The following GALNT13 variants were observed in gnomAD, a reference collection of about 807,000 sequenced individuals.
The protein encoded by GALNT13 is polypeptide N-acetylgalactosaminyltransferase 13.
A neutral mutation model predicts 64.2 loss-of-function variants in GALNT13; 28 were observed. That is an observed-to-expected ratio of 0.44 (90% CI 0.32 to 0.60). GALNT13 has a LOEUF of 0.60. GALNT13 is among the 20% of genes least tolerant of loss of function. GALNT13 has a pLI of 0.05. For missense variants in GALNT13, 577 were observed against 669.8 expected (o/e 0.86, Z 1.53); for synonymous variants, 214 against 224.6 (o/e 0.95, Z 0.42).
the GALNT13 span, among the ~76,000 whole-genome samples, chr2:153,252,341 G>A: frequency 3.1e-5 from 2 of 64,956 alleles, 1 homozygote; most frequent in Admixed American, 2.3e-4. Flanking sequence ...TTGTAAATTT[G>A]TTTGAGTCCA....
chr2:153,786,261 A>C, the GALNT13 span, among the ~76,000 whole-genome samples: 1 of 152,116 alleles, frequency 6.6e-6, no homozygotes, highest in Non-Finnish European at 1.5e-5. Flanking sequence ...TATTACCCTA[A>C]CAGTCCTTGG....
At chr2:153,630,803 A>ATT in the GALNT13 span, among the ~76,000 whole-genome samples, 5 of 17,534 alleles carry the variant, frequency 2.9e-4, no homozygotes, top group African/African-American at 8.6e-4. Flanking sequence ...ATATATATAT[A>ATT]TATATTTTTT....
the GALNT13 span, among the ~76,000 whole-genome samples, chr2:153,699,052 A>G: frequency 6.6e-6 from 1 of 152,236 alleles, no homozygotes; most frequent in Admixed American, 6.5e-5. Flanking sequence ...GTGAAACCCC[A>G]TCTCTACTAA....
At chr2:153,247,810 A>G in the GALNT13 span, among the ~76,000 whole-genome samples, 1 of 152,178 alleles carries the variant, frequency 6.6e-6, no homozygotes, top group Non-Finnish European at 1.5e-5. Context: ...AAATACATAG[A>G]CCACTATCTA....
chr2:153,959,441 A>C (rs1468387733), intron 3 of GALNT13, among the ~76,000 whole-genome samples: 4 of 152,242 alleles, frequency 2.6e-5, no homozygotes, highest in Admixed American at 2.6e-4. Context: ...GTAAGAGTGC[A>C]CATCAAACAC....
chr2:153,540,488 C>T, the GALNT13 span, among the ~76,000 whole-genome samples: 1 of 152,204 alleles, frequency 6.6e-6, no homozygotes, highest in South Asian at 2.1e-4. Flanking sequence ...TGGGGCACTG[C>T]CTAGCAGAGC....
the GALNT13 span, among the ~76,000 whole-genome samples, chr2:153,568,432 T>C: frequency 6.6e-6 from 1 of 152,200 alleles, no homozygotes; most frequent in African/African-American, 2.4e-5. Flanking sequence ...TCAGTTTTTA[T>C]TAATATCAGA....
chr2:153,585,908 C>T, the GALNT13 span, among the ~76,000 whole-genome samples: 4 of 152,002 alleles, frequency 2.6e-5, no homozygotes. Flanking sequence ...AGAAATAAAG[C>T]CTTTCTCAGA....
Position 154,008,433 on chromosome 2 carries a change from A to T in GALNT13, c.142+63794A>T, listed in dbSNP as rs144214914. Among the ~76,000 whole-genome samples, 558 of 152,080 alleles carry T rather than the reference A, an allele frequency of 3.7e-3. 7 individuals carry two copies. Among genetic ancestry groups the T allele is most frequent in the African/African-American group, 0.013 (537 of 41,500 alleles). ...TACTTTTTATTATATTTTATTTTTT[A>T]AAATCTTTCATTTTAGGTTTAGGGG... is the stretch of plus-strand genomic sequence containing the variant. On this transcript the variant is annotated intron_variant, in intron 3 of 12. Coordinates refer to ENST00000392825, the MANE Select transcript of GALNT13 (RefSeq NM_052917.4).
chr2:153,181,876 A>G, the GALNT13 span, among the ~76,000 whole-genome samples: 8 of 147,044 alleles, frequency 5.4e-5, no homozygotes, highest in South Asian at 1.7e-3. Context: ...GTATATTTAT[A>G]TAAACATATT....
the GALNT13 span, among the ~76,000 whole-genome samples, chr2:153,749,229 A>G: frequency 2.0e-5 from 3 of 151,946 alleles, no homozygotes; most frequent in South Asian, 6.2e-4. Flanking sequence ...GTTGATGACT[A>G]TAACTCTGTA....
intron 3 of GALNT13, among the ~76,000 whole-genome samples, chr2:153,982,893 C>T (rs1238547124): frequency 6.6e-6 from 1 of 151,734 alleles, no homozygotes; most frequent in Non-Finnish European, 1.5e-5. Flanking sequence ...TGCCGTGGTG[C>T]TGAGGATATT....
the GALNT13 span, among the ~76,000 whole-genome samples, chr2:153,628,160 G>A: frequency 6.6e-6 from 1 of 151,998 alleles, no homozygotes; most frequent in African/African-American, 2.4e-5. Context: ...TGTTATTGGT[G>A]TATAAGAATG....
At chr2:153,157,864 A>G in the GALNT13 span, among the ~76,000 whole-genome samples, 5 of 152,194 alleles carry the variant, frequency 3.3e-5, no homozygotes, top group Non-Finnish European at 7.4e-5. Flanking sequence ...CATGTGGTAA[A>G]TATATCTTTT....
chr2:153,692,379 C>T, the GALNT13 span, among the ~76,000 whole-genome samples: 5 of 152,124 alleles, frequency 3.3e-5, no homozygotes, highest in Non-Finnish European at 7.4e-5. Context: ...TAATGAATCC[C>T]TGCAAATATC....
chr2:154,228,543 C>CT (rs1229147060), intron 4 of GALNT13, among the ~76,000 whole-genome samples: 2 of 152,256 alleles, frequency 1.3e-5, no homozygotes, highest in African/African-American at 4.8e-5. Flanking sequence ...TAGAGGTTTG[C>CT]TGTAGGACCT....
chr2:153,274,820 G>T, the GALNT13 span, among the ~76,000 whole-genome samples: 2 of 152,132 alleles, frequency 1.3e-5, no homozygotes, highest in Non-Finnish European at 2.9e-5. Context: ...ACATCTTGTT[G>T]CCTTCAGGGC....
rs567335758 is a variant in GALNT13 at position 154,195,199 on chromosome 2, G to A, written c.312-46831G>A. On this transcript the variant is annotated intron_variant, in intron 4 of 12. Coordinates refer to ENST00000392825, the MANE Select transcript of GALNT13 (RefSeq NM_052917.4). ...CATCATCTTAAAGATGACTATTTTG[G>A]GTAAACACAAATATTCTTCCTCTGG... 8.7e-4 allele frequency among the ~76,000 whole-genome samples: 132 copies of A among 152,094 alleles called. 1 individual carries two copies. In the Middle Eastern group the frequency reaches 0.014, roughly 16 times the overall value.
At chr2:153,377,408 G>C in the GALNT13 span, among the ~76,000 whole-genome samples, 2 of 152,040 alleles carry the variant, frequency 1.3e-5, no homozygotes, top group Non-Finnish European at 2.9e-5. Flanking sequence ...CTAGGGGGTG[G>C]GGCCTAGCAA....
Sources: gnomAD v4.1 joint callset for allele counts (sites outside exome capture counted in the v4.1 genomes callset) on GRCh38, gnomAD v4.1.1 for gene constraint, MANE v1.5 for transcripts, NCBI Gene and HGNC (gene_info 2026-07-23, HGNC 2026-07-21) for gene names.